Variants in CACNG6 observed in about 807,000 individuals in gnomAD.
CACNG6 encodes the protein calcium voltage-gated channel auxiliary subunit gamma 6, also known as voltage-dependent calcium channel gamma-6 subunit.
A neutral mutation model predicts 23.9 loss-of-function variants in CACNG6; 21 were observed. That is an observed-to-expected ratio of 0.88 (90% CI 0.62 to 1.26). CACNG6 has a LOEUF of 1.26. CACNG6 is among the 50% of genes most tolerant of loss of function. CACNG6 has a pLI of 0.00. For missense variants in CACNG6, 340 were observed against 352.9 expected, an observed-to-expected ratio of 0.96 and a Z score of 0.29; for synonymous variants, 182 against 168.9, an observed-to-expected ratio of 1.08 and a Z score of -0.60.
rs142489178 is a variant in CACNG6, at chr19:54,011,190, T to TAAAAAAAAAAAAAAAAA, written c.545-745_545-744insAAAAAAAAAAAAAAAAA. On this transcript the variant is annotated intron_variant, in intron 3 of 3. Coordinates refer to ENST00000252729, the MANE Select transcript of CACNG6 (RefSeq NM_145814.2). The stretch of plus-strand genomic sequence containing the variant: ...CAACATGGTGAAACCCCGTCTCTAC[T>TAAAAAAAAAAAAAAAAA]AAAAAAAAAAAAAAAATATATATAT... 3.2e-4 allele frequency among the ~76,000 whole-genome samples: 19 copies of TAAAAAAAAAAAAAAAAA among 59,212 alleles called. 3 individuals are homozygous for TAAAAAAAAAAAAAAAAA. The highest frequency in any genetic ancestry group is 1.1e-3 in the African/African-American group (11 of 10,464). The allele number at this position is 59,212 out of a possible 152,430, so 38.8% of individuals were successfully genotyped here.
At chr19:54,002,182 G>A (rs1042630598) in intron 3 of CACNG6, among the ~76,000 whole-genome samples, 11 of 151,558 alleles carry the variant, frequency 7.3e-5, no homozygotes, top group Admixed American at 6.6e-4. Context: ...CGACTTCCAA[G>A]GCTCAAGTGA....
At chr19:54,009,045 A>G (rs1034326128) in intron 3 of CACNG6, among the ~76,000 whole-genome samples, 1 of 152,104 alleles carries the variant, frequency 6.6e-6, no homozygotes, top group African/African-American at 2.4e-5. Context: ...TCCCAGCACT[A>G]TGGGAGGCCA....
Position 54,011,997 on chromosome 19 carries a change from G to A in CACNG6, c.591G>A (p.Arg197=). Reference sequence around the variant, plus strand: ...TGGAGGTGTTCCGGCATTCCGTGAGGGCCCTGCTGCAGAGAGTCAGCCCGG... The same window carrying A: ...TGGAGGTGTTCCGGCATTCCGTGAGAGCCCTGCTGCAGAGAGTCAGCCCGG... ...VSLEVFRHSV[R]ALLQRVSPEP... Residue 197 remains arginine (R), a synonymous_variant, in exon 4 of 4, where the codon AGG becomes AGA. Coordinates refer to ENST00000252729, the MANE Select transcript of CACNG6 (RefSeq NM_145814.2). The A allele has an allele frequency of 1.3e-6, 2 of 1,595,314 alleles. No homozygotes were observed. Among genetic ancestry groups the A allele is most frequent in the South Asian group, 1.1e-5 (1 of 89,110 alleles).
At chr19:53,993,788 C>T (rs1016155610) in intron 1 of CACNG6, among the ~76,000 whole-genome samples, 3 of 151,406 alleles carry the variant, frequency 2.0e-5, no homozygotes, top group African/African-American at 7.3e-5. Context: ...GATCAGCCTG[C>T]ACCTCCACAC....
rs1174799698 is a variant in CACNG6 at position 54,002,275 on chromosome 19, G to GTTTTTTTTTTT, written c.544+2512_544+2513insTTTTTTTTTTT. Among the ~76,000 whole-genome samples, 63 of 116,430 alleles carry GTTTTTTTTTTT rather than the reference G, an allele frequency of 5.4e-4. 2 individuals carry two copies. The highest frequency in any genetic ancestry group is 1.9e-3 in the African/African-American group (42 of 21,582). 76.4% of individuals were successfully genotyped at this position (116,430 alleles called of 152,430 possible). A position where few individuals can be genotyped will look rare whatever the true frequency, so the allele number is the denominator to read the frequency against. ...AGCCCGGCTAATTTTCGGTTTTTTT[G>GTTTTTTTTTTT]TTTTTTTTGTTTTTTTTTTTTTTGT... On this transcript the variant is annotated intron_variant, in intron 3 of 3. Transcript: ENST00000252729.
chr19:53,998,345 G>A, intron 2 of CACNG6, 32 bp downstream of exon 2: 1 of 1,587,148 alleles, frequency 6.3e-7, no homozygotes, highest in Non-Finnish European at 8.7e-7. Context: ...CTGGGTGACA[G>A]GTGGGGGAAA....
At chr19:53,991,388 C>G (rs1439388898), upstream of CACNG6, among the ~76,000 whole-genome samples, 1 of 151,998 alleles carries the variant, frequency 6.6e-6, no homozygotes, top group African/African-American at 2.4e-5. Flanking sequence ...GACTGCGGAG[C>G]TGGGACTCTC....
chr19:54,002,596 A>G (rs1056783408), intron 3 of CACNG6, among the ~76,000 whole-genome samples: 1 of 152,020 alleles, frequency 6.6e-6, no homozygotes, highest in Admixed American at 6.6e-5. Context: ...TAAAATAAAG[A>G]TGATGTTTGT....
chr19:54,002,813 C>T (rs2069594565), intron 3 of CACNG6, among the ~76,000 whole-genome samples: 1 of 152,156 alleles, frequency 6.6e-6, no homozygotes, highest in Non-Finnish European at 1.5e-5. Context: ...GATTGCGTGT[C>T]AGGGACTGGG....
At chr19:53,991,551 G>C (rs1012050089), upstream of CACNG6, among the ~76,000 whole-genome samples, 1 of 141,566 alleles carries the variant, frequency 7.1e-6, no homozygotes, top group South Asian at 2.5e-4. Context: ...TGTTATTTAC[G>C]GGTCAAGCCC....
At chr19:53,991,523 C>G (rs577303739), upstream of CACNG6, among the ~76,000 whole-genome samples, 1 of 148,426 alleles carries the variant, frequency 6.7e-6, no homozygotes, top group South Asian at 2.1e-4. Context: ...GCAACAGGCG[C>G]CGGGCGACAG....
At chr19:54,002,875 C>T (rs547733702) in intron 3 of CACNG6, among the ~76,000 whole-genome samples, 1 of 152,204 alleles carries the variant, frequency 6.6e-6, no homozygotes, top group East Asian at 1.9e-4. Context: ...TTCAGGTTGT[C>T]TTGTTTCTCT....
At chr19:54,009,977 T>C in intron 3 of CACNG6, among the ~76,000 whole-genome samples, 1 of 151,784 alleles carries the variant, frequency 6.6e-6, no homozygotes, top group Admixed American at 6.6e-5. Context: ...TATCTTTATT[T>C]TGTGACCCCT....
At chr19:54,007,533 T>A (rs2069661100) in intron 3 of CACNG6, among the ~76,000 whole-genome samples, 1 of 152,212 alleles carries the variant, frequency 6.6e-6, no homozygotes, top group Admixed American at 6.5e-5. Context: ...AGTTGTAGTA[T>A]CATTTATGTA....
chr19:53,998,097 C>T (rs1258132669), intron 1 of CACNG6, 142 bp from the exon 2 acceptor site: 1 of 640,568 alleles, frequency 1.6e-6, no homozygotes, highest in Non-Finnish European at 2.7e-6. Context: ...TTTCACACCT[C>T]TGGGCATCAT....
intron 1 of CACNG6, among the ~76,000 whole-genome samples, chr19:53,996,176 A>G (rs779368378): frequency 1.5e-4 from 23 of 152,010 alleles, no homozygotes; most frequent in Non-Finnish European, 3.1e-4. Context: ...TCCCTCTTCT[A>G]TGGCCTTTAC....
At chr19:54,006,817 G>A (rs1056390372) in intron 3 of CACNG6, among the ~76,000 whole-genome samples, 1 of 151,146 alleles carries the variant, frequency 6.6e-6, no homozygotes, top group African/African-American at 2.4e-5. Context: ...CTACAGCCGT[G>A]AGCCACTGTG....
intron 1 of CACNG6, among the ~76,000 whole-genome samples, chr19:53,997,009 C>T (rs2069527510): frequency 6.6e-6 from 1 of 151,360 alleles, no homozygotes; most frequent in African/African-American, 2.4e-5. Flanking sequence ...GCTGGGATTA[C>T]AGGTGTGTGC....
At chr19:53,997,789 C>T (rs529420373) in intron 1 of CACNG6, among the ~76,000 whole-genome samples, 23 of 152,232 alleles carry the variant, frequency 1.5e-4, no homozygotes, top group Middle Eastern at 3.4e-3. Flanking sequence ...TCCGCAGGAG[C>T]TCTTTGTGTG....
Sources: gnomAD v4.1 joint callset for allele counts (sites outside exome capture counted in the v4.1 genomes callset) on GRCh38, gnomAD v4.1.1 for gene constraint, MANE v1.5 for transcripts, NCBI Gene and HGNC (gene_info 2026-07-23, HGNC 2026-07-21) for gene names.